SLC6A3: variants seen among roughly 807,000 people sequenced by gnomAD.
SLC6A3 encodes the protein solute carrier family 6 member 3.
Under a neutral mutation model 70.4 loss-of-function variants are expected in SLC6A3, and 19 were observed. The ratio of observed to expected loss-of-function variants is 0.27; its 90% CI spans 0.19 to 0.40. The LOEUF is 0.40. Among genes scored for constraint, SLC6A3 ranks in the 10% least tolerant of loss-of-function variants. SLC6A3 has a pLI of 1.00. For missense variants in SLC6A3, 613 were observed against 838.5 expected (o/e 0.73, Z 3.32); for synonymous variants, 368 against 356.6 (o/e 1.03, Z -0.36).
At chr5:1,416,560 GAA>G in intron 6 of SLC6A3, 1 of 317,584 alleles carries the variant, frequency 3.1e-6, no homozygotes. Flanking sequence ...ATAACCCTCG[GAA>G]CAGCACGGCC....
intron 6 of SLC6A3, among the ~76,000 whole-genome samples, chr5:1,416,984 G>A (rs1053976817): frequency 4.6e-5 from 7 of 151,772 alleles, no homozygotes; most frequent in Admixed American, 6.6e-5. Context: ...TGACCGCGGC[G>A]CCCTGATAAC....
At chr5:1,410,863 CGTGTGTGCATGTGTGTAT>C (rs1756102408) in intron 9 of SLC6A3, among the ~76,000 whole-genome samples, 2 of 151,060 alleles carry the variant, frequency 1.3e-5, no homozygotes, top group South Asian at 2.1e-4. Context: ...TGTATGTGTG[CGTGTGTGCATGTGTGTAT>C]GTGTGTGCAT....
rs997261445 is a variant in SLC6A3, at chr5:1,436,421, C to A, written c.419-3723G>T. Among the ~76,000 whole-genome samples, 3 of 152,208 alleles carry A rather than the reference C, an allele frequency of 2.0e-5. No individual in the cohort carries two copies. Among genetic ancestry groups the A allele is most frequent in the Non-Finnish European group, 4.4e-5 (3 of 68,038 alleles). On this transcript the variant is annotated intron_variant, in intron 3 of 14. Coordinates refer to ENST00000270349, the MANE Select transcript of SLC6A3 (RefSeq NM_001044.5). The surrounding 1 kb of genome is among the most constrained non-coding windows in gnomAD (Gnocchi z 5.2). The stretch of plus-strand genomic sequence containing the variant: ...ACTGTCTCCCCAAGGAGGTGGCAGG[C>A]AAAGTCCCTGCTCGCGTTTCCAGGG...
At chr5:1,441,712 C>T (rs892492158) in intron 2 of SLC6A3, among the ~76,000 whole-genome samples, 7 of 152,142 alleles carry the variant, frequency 4.6e-5, no homozygotes, top group African/African-American at 1.7e-4. Context: ...TGTCATTGCG[C>T]ACCTCGAGCC....
chr5:1,417,454 A>G (rs561641291), intron 6 of SLC6A3, among the ~76,000 whole-genome samples: 1 of 152,316 alleles, frequency 6.6e-6, no homozygotes, highest in South Asian at 2.1e-4. Context: ...TTCCCAAAAC[A>G]TGAGCAGTAC....
intron 4 of SLC6A3, among the ~76,000 whole-genome samples, chr5:1,431,444 G>A (rs542276759): frequency 6.6e-6 from 1 of 152,092 alleles, no homozygotes; most frequent in African/African-American, 2.4e-5. Flanking sequence ...GCTGGTCGGG[G>A]TGGACTGTAT....
chr5:1,438,941 A>G lies in SLC6A3; in HGVS notation c.418+2418T>C, dbSNP rs1392833702. ...GCTCTGAGCCCTCAGATACTCTCCAACACGGACCACGGTGCAAGCTCAGCA... is the reference window on the plus strand; with the variant it reads ...GCTCTGAGCCCTCAGATACTCTCCAGCACGGACCACGGTGCAAGCTCAGCA... On this transcript the variant is annotated intron_variant, in intron 3 of 14. Coordinates refer to ENST00000270349, the MANE Select transcript of SLC6A3 (RefSeq NM_001044.5). The surrounding 1 kb of genome is among the most constrained non-coding windows in gnomAD (Gnocchi z 6.5). Among the ~76,000 whole-genome samples the G allele has an allele frequency of 6.6e-6, 1 of 152,140 alleles. No homozygotes were observed. The highest frequency in any genetic ancestry group is 2.4e-5 in the African/African-American group (1 of 41,426).
At position 1,406,282 on chromosome 5, in the gene SLC6A3, C is replaced by T; in HGVS notation, c.1505G>A (p.Gly502Glu). 6.2e-7 allele frequency: 1 copy of T among 1,612,708 alleles called. No individual in the cohort carries two copies. The highest frequency in any genetic ancestry group is 8.5e-7 in the Non-Finnish European group (1 of 1,179,742). Residue 502 changes from glycine to glutamate, a missense_variant, in exon 12 of 15, where the codon GGG (glycine) becomes GAG (glutamate). By Grantham distance (98) the Gly-to-Glu change is moderately conservative. This residue lies in a region of SLC6A3 where 348 missense variants were observed against 481.2 expected (regional missense o/e 0.72). Coordinates refer to ENST00000270349, the MANE Select transcript of SLC6A3 (RefSeq NM_001044.5). This position sits in a 1 kb window ranked among gnomAD's most constrained non-coding sequence, Gnocchi z 8.8. ...AIGVAWFYGV[G>E]QFSDDIQQMT... The stretch of plus-strand genomic sequence containing the variant: ...CTGCTGGATGTCGTCGCTGAACTGC[C>T]CAACACCTGAGGGAGAAGAGGTGGC...
In SLC6A3 at chr5:1,404,245, C is replaced by G. The variant is rs1469564840; in HGVS notation, c.1600-1156G>C. ...ACTGGGATGGGGGCTGGGGTTGTGT[C>G]TGTCACGTGACCAGAGCCAGGGTGA... On this transcript the variant is annotated intron_variant, in intron 12 of 14. Transcript: ENST00000270349. The surrounding 1 kb of genome is among the most constrained non-coding windows in gnomAD (Gnocchi z 5.2). 6.6e-6 allele frequency among the ~76,000 whole-genome samples: 1 copy of G among 152,190 alleles called. No homozygotes were observed. The highest frequency in any genetic ancestry group is 1.5e-5 in the Non-Finnish European group (1 of 68,034).
Position 1,436,381 on chromosome 5 carries a change from T to G in SLC6A3, c.419-3683A>C, listed in dbSNP as rs1756836524. On this transcript the variant is annotated intron_variant, in intron 3 of 14. Coordinates refer to ENST00000270349, the MANE Select transcript of SLC6A3 (RefSeq NM_001044.5). The surrounding 1 kb of genome is among the most constrained non-coding windows in gnomAD (Gnocchi z 5.2). Reference sequence around the variant, plus strand: ...ACCTGACACATTTCTTAAACACCATTTAGTGACACGGGAGACTGTCTCCCC... The same window carrying G: ...ACCTGACACATTTCTTAAACACCATGTAGTGACACGGGAGACTGTCTCCCC... Among the ~76,000 whole-genome samples, 1 of 152,094 alleles carries G rather than the reference T, an allele frequency of 6.6e-6. No homozygotes were observed. Among genetic ancestry groups the G allele is most frequent in the Admixed American group, 6.5e-5 (1 of 15,270 alleles).
At chr5:1,430,752 C>T (rs186942863) in intron 4 of SLC6A3, among the ~76,000 whole-genome samples, 68 of 135,874 alleles carry the variant, frequency 5.0e-4, no homozygotes, top group African/African-American at 1.8e-3. Flanking sequence ...CCAAAGTTCT[C>T]GGGGATGATC....
chr5:1,440,400 T>G (rs1756947035), intron 3 of SLC6A3, among the ~76,000 whole-genome samples: 1 of 152,038 alleles, frequency 6.6e-6, no homozygotes, highest in African/African-American at 2.4e-5. Context: ...AATGGATGGA[T>G]GACTGGATGG....
In SLC6A3 at chr5:1,442,952, G is replaced by A. The variant is rs749860975; in HGVS notation, c.246C>T (p.Asn82=). The A allele has an allele frequency of 1.1e-5, 18 of 1,614,096 alleles. No homozygotes were observed. Among genetic ancestry groups the A allele is most frequent in the East Asian group, 6.7e-5 (3 of 44,882 alleles). ...SVIGFAVDLA[N]VWRFPYLCYK... is the part of the protein sequence containing the mutation. ...AGCACAGGTAGGGGAACCGCCAGAC[G>A]TTGGCCAGGTCCACAGCAAAGCCAA... The change falls in exon 2 of 15, where the codon AAC becomes AAT. Residue 82 remains asparagine, a synonymous_variant. Coordinates refer to ENST00000270349, the MANE Select transcript of SLC6A3 (RefSeq NM_001044.5). This position sits in a 1 kb window ranked among gnomAD's most constrained non-coding sequence, Gnocchi z 5.0.
At chr5:1,445,069 A>G (rs1733769405) in intron 1 of SLC6A3, among the ~76,000 whole-genome samples, 1 of 152,120 alleles carries the variant, frequency 6.6e-6, no homozygotes, top group African/African-American at 2.4e-5. Flanking sequence ...GCGTCCCCTA[A>G]GCCGGTGACT....
chr5:1,412,597 G>A (rs956433727), intron 8 of SLC6A3, among the ~76,000 whole-genome samples: 12 of 152,178 alleles, frequency 7.9e-5, no homozygotes, highest in African/African-American at 2.7e-4. Context: ...TTTGGTCTCT[G>A]ATGACCCCAA....
chr5:1,409,415 C>T (rs1243147067), intron 10 of SLC6A3, among the ~76,000 whole-genome samples: 1 of 152,212 alleles, frequency 6.6e-6, no homozygotes, highest in Non-Finnish European at 1.5e-5. Context: ...TGGGCTCCCC[C>T]TCCCACATAG....
Position 1,411,923 on chromosome 5 carries a change from T to G in SLC6A3, c.1157-568A>C, listed in dbSNP as rs1308615500. ...CATGCAATATACACACACAGACACA[T>G]GCGCGCACATGCACGAACACTCATT... On this transcript the variant is annotated intron_variant, in intron 8 of 14. Coordinates refer to ENST00000270349, the MANE Select transcript of SLC6A3 (RefSeq NM_001044.5). This position sits in a 1 kb window ranked among gnomAD's most constrained non-coding sequence, Gnocchi z 6.5. Among the ~76,000 whole-genome samples, 1 of 151,206 alleles carries G rather than the reference T, an allele frequency of 6.6e-6. No homozygotes were observed. Among genetic ancestry groups the G allele is most frequent in the Non-Finnish European group, 1.5e-5 (1 of 67,826 alleles).
At chr5:1,395,081 C>A (rs1755683246) in intron 14 of SLC6A3, among the ~76,000 whole-genome samples, 2 of 152,228 alleles carry the variant, frequency 1.3e-5, no homozygotes, top group African/African-American at 2.4e-5. Context: ...GCCGGGCACC[C>A]TCAGTCCGGG....
At chr5:1,432,041 G>T (rs1388879245) in intron 4 of SLC6A3, among the ~76,000 whole-genome samples, 1 of 152,120 alleles carries the variant, frequency 6.6e-6, no homozygotes, top group African/African-American at 2.4e-5. Flanking sequence ...GAGGCAGTTC[G>T]GCCCCATGCT....
Sources: gnomAD v4.1 joint callset for allele counts (sites outside exome capture counted in the v4.1 genomes callset) on GRCh38, gnomAD v4.1.1 for gene constraint, gnomAD v4.1.1 regional missense constraint, Gnocchi (gnomAD v3.1) non-coding constraint, MANE v1.5 for transcripts, NCBI Gene and HGNC (gene_info 2026-07-23, HGNC 2026-07-21) for gene names.